PRRG1: variants seen among roughly 807,000 people sequenced by gnomAD.
The protein encoded by PRRG1 is proline rich and Gla domain 1.
Under a neutral mutation model 11.8 loss-of-function variants are expected in PRRG1, and 5 were observed. The observed-to-expected ratio is 0.42, with a 90% CI of 0.22 to 0.89. The LOEUF is 0.89. Ranked by LOEUF, PRRG1 falls within the 40% of genes least tolerant of loss-of-function variation. PRRG1 has a pLI of 0.28. For missense variants in PRRG1, 155 were observed against 166.1 expected (o/e 0.93, Z 0.37); for synonymous variants, 66 against 60.4 (o/e 1.09, Z -0.43).
chrX:37,420,777 G>A (rs987721574), intron 2 of PRRG1, among the ~76,000 whole-genome samples: 8 of 110,479 alleles, frequency 7.2e-5, no homozygotes, highest in Non-Finnish European at 1.3e-4. Flanking sequence ...TGGAAGGGTC[G>A]CTTTAGCCCA....
intron 1 of PRRG1, among the ~76,000 whole-genome samples, chrX:37,371,056 G>A (rs1424933584): frequency 8.9e-6 from 1 of 111,973 alleles, no homozygotes; most frequent in Non-Finnish European, 1.9e-5. Flanking sequence ...AAGGCCTGAA[G>A]CTTGGGAGCC....
intron 2 of PRRG1, among the ~76,000 whole-genome samples, chrX:37,423,904 G>T (rs1556387709): frequency 9.1e-6 from 1 of 110,405 alleles, no homozygotes; most frequent in Non-Finnish European, 1.9e-5. Context: ...TATTATTCCT[G>T]TATCTTTTCA....
chrX:37,401,611 C>A (rs2146573651), intron 1 of PRRG1, among the ~76,000 whole-genome samples: 1 of 110,721 alleles, frequency 9.0e-6, no homozygotes, highest in African/African-American at 3.3e-5. Flanking sequence ...TCCTATTCAA[C>A]ATAGTGTTGG....
At chrX:37,422,238 T>C (rs181910791) in intron 2 of PRRG1, among the ~76,000 whole-genome samples, 5 of 112,157 alleles carry the variant, frequency 4.5e-5, no homozygotes, top group Admixed American at 9.5e-5. Context: ...AATACATTAA[T>C]GTTGATTGAT....
chrX:37,358,232 G>A (rs1274671906), intron 1 of PRRG1, among the ~76,000 whole-genome samples: 1 of 111,174 alleles, frequency 9.0e-6, no homozygotes, highest in Non-Finnish European at 1.9e-5. Context: ...AGTGTATTTT[G>A]CTGAGTAGGA....
chrX:37,377,042 A>G (rs1556372558), intron 1 of PRRG1, among the ~76,000 whole-genome samples: 1 of 111,116 alleles, frequency 9.0e-6, no homozygotes, highest in African/African-American at 3.3e-5. Context: ...GCCACTAATA[A>G]ATTACCTAAG....
chrX:37,380,282 T>A (rs1229581633), intron 1 of PRRG1, among the ~76,000 whole-genome samples: 1 of 111,847 alleles, frequency 8.9e-6, no homozygotes, highest in African/African-American at 3.2e-5. Context: ...TGCATGCCTT[T>A]ATATTTGTTG....
At chrX:37,351,018 C>T (rs1444024115) in intron 1 of PRRG1, among the ~76,000 whole-genome samples, 1 of 111,025 alleles carries the variant, frequency 9.0e-6, no homozygotes, top group African/African-American at 3.3e-5. Flanking sequence ...AAAATTTTGC[C>T]ATCTTCTCCA....
intron 1 of PRRG1, among the ~76,000 whole-genome samples, chrX:37,401,920 A>C (rs1239829191): frequency 9.0e-6 from 1 of 110,623 alleles, no homozygotes; most frequent in Non-Finnish European, 1.9e-5. Context: ...TAGGAATCCA[A>C]CTTACAAGGG....
intron 2 of PRRG1, among the ~76,000 whole-genome samples, chrX:37,409,790 A>G (rs1569444424): frequency 8.9e-6 from 1 of 112,177 alleles, no homozygotes; most frequent in Non-Finnish European, 1.9e-5. Context: ...ATACAGAGGG[A>G]CACAGAGGAA....
chrX:37,366,063 T>C (rs1348253855), intron 1 of PRRG1, among the ~76,000 whole-genome samples: 3 of 112,578 alleles, frequency 2.7e-5, no homozygotes, highest in African/African-American at 9.7e-5. Flanking sequence ...TTAAATGTTA[T>C]TCTAGTACTT....
At chrX:37,375,252 C>T (rs1318925080) in intron 1 of PRRG1, among the ~76,000 whole-genome samples, 5 of 111,406 alleles carry the variant, frequency 4.5e-5, no homozygotes, top group African/African-American at 1.6e-4. Flanking sequence ...AAGTGCTTCT[C>T]AGTTTTGCTT....
At chrX:37,387,220 C>A in intron 1 of PRRG1, among the ~76,000 whole-genome samples, 1 of 112,200 alleles carries the variant, frequency 8.9e-6, no homozygotes, top group East Asian at 2.8e-4. Context: ...TGTTATTGAT[C>A]ACTTTGATGG....
chrX:37,406,319 A>G, intron 2 of PRRG1, 60 bp downstream of exon 2: 1 of 1,082,816 alleles, frequency 9.2e-7, no homozygotes. Flanking sequence ...ATAGTCAGGA[A>G]ATTAAATTTC....
At chrX:37,398,098 C>A in intron 1 of PRRG1, among the ~76,000 whole-genome samples, 1 of 109,940 alleles carries the variant, frequency 9.1e-6, no homozygotes, top group South Asian at 4.0e-4. Flanking sequence ...ACTTAAATGT[C>A]CCCGTCTGAC....
rs1929975502 is a variant in PRRG1 at position 37,349,374 on chromosome X, G to T, written c.-63G>T. 1 of 112,459 alleles carries T rather than the reference G, an allele frequency of 8.9e-6. No homozygotes were observed. The highest frequency in any genetic ancestry group is 2.8e-4 in the East Asian group (1 of 3,520). 9.3% of individuals were successfully genotyped at this position (112,459 alleles called of 1,213,427 possible). A position where few individuals can be genotyped will look rare whatever the true frequency, so the allele number is the denominator to read the frequency against. ...CGCGACGTGCGGCTCGCAGAACGGC[G>T]AGTAGCGGAGCGGGACCCGCTGTGA... On this transcript the variant is annotated 5_prime_UTR_variant, in exon 1 of 4. Coordinates refer to ENST00000378628, the MANE Select transcript of PRRG1 (RefSeq NM_001142395.2).
chrX:37,399,003 G>C lies in PRRG1; in HGVS notation c.-41-7206G>C, dbSNP rs782289713. The stretch of plus-strand genomic sequence containing the variant: ...ATGTGAAAAGACCAAATCTACATCT[G>C]ATTGGTGTACCTGAAAGTGACGAGG... On this transcript the variant is annotated intron_variant, in intron 1 of 3. Coordinates refer to ENST00000378628, the MANE Select transcript of PRRG1 (RefSeq NM_001142395.2). 2.7e-3 allele frequency among the ~76,000 whole-genome samples: 300 copies of C among 112,203 alleles called. 3 individuals carry two copies. Among genetic ancestry groups the C allele is most frequent in the Non-Finnish European group, 7.1e-4 (38 of 53,268 alleles).
intron 1 of PRRG1, among the ~76,000 whole-genome samples, chrX:37,403,385 A>C (rs1464766744): frequency 9.6e-6 from 1 of 104,220 alleles, no homozygotes; most frequent in Non-Finnish European, 1.9e-5. Flanking sequence ...AAGGACAGAA[A>C]ACCAAACACC....
intron 1 of PRRG1, among the ~76,000 whole-genome samples, chrX:37,379,349 A>C (rs1931082663): frequency 9.1e-6 from 1 of 110,143 alleles, no homozygotes; most frequent in Non-Finnish European, 1.9e-5. Flanking sequence ...ATTAGTAGAA[A>C]AATGTTCCAC....
Sources: allele counts gnomAD v4.1 joint callset (sites outside exome capture counted in the v4.1 genomes callset), GRCh38; gene constraint gnomAD v4.1.1; transcripts MANE v1.5; gene names NCBI Gene and HGNC (gene_info 2026-07-23, HGNC 2026-07-21).